The following NRG1 variants were observed in gnomAD, a reference collection of about 807,000 sequenced individuals.
The protein encoded by NRG1 is pro-neuregulin-1, membrane-bound isoform.
A neutral mutation model predicts 63.8 loss-of-function variants in NRG1; 18 were observed. The ratio of observed to expected loss-of-function variants is 0.28; its 90% CI spans 0.19 to 0.42. NRG1 has a LOEUF of 0.42. Ranked by LOEUF, NRG1 falls within the 10% of genes least tolerant of loss-of-function variation. The pLI is 1.00. For missense variants in NRG1, 762 were observed against 814.7 expected (o/e 0.94, Z 0.79); for synonymous variants, 302 against 301.3 (o/e 1.00, Z -0.02).
chr8:32,384,484 TG>T (rs1190536934), intron 1 of NRG1, among the ~76,000 whole-genome samples: 1 of 152,228 alleles, frequency 6.6e-6, no homozygotes, highest in Non-Finnish European at 1.5e-5. Flanking sequence ...TTTGTCATTT[TG>T]GTTTGTTCTA....
At chr8:32,154,540 TTTCC>T (rs1319575834) in intron 1 of NRG1, among the ~76,000 whole-genome samples, 3 of 152,056 alleles carry the variant, frequency 2.0e-5, no homozygotes, top group Non-Finnish European at 2.9e-5. Context: ...CTCTCTTTAT[TTTCC>T]TTCCTTCCTT....
chr8:32,216,179 T>A (rs1845204906), intron 1 of NRG1, among the ~76,000 whole-genome samples: 1 of 149,730 alleles, frequency 6.7e-6, no homozygotes, highest in South Asian at 2.1e-4. Flanking sequence ...TATACAGTTA[T>A]ACATTTTATT....
At chr8:32,477,830 T>G (rs1373533414) in intron 1 of NRG1, among the ~76,000 whole-genome samples, 1 of 152,190 alleles carries the variant, frequency 6.6e-6, no homozygotes, top group South Asian at 2.1e-4. Context: ...ATAGTTTAAC[T>G]CCATATATAA....
chr8:31,871,006 C>CTT (rs113769852), intron 1 of NRG1, among the ~76,000 whole-genome samples: 64 of 143,658 alleles, frequency 4.5e-4, no homozygotes, highest in Non-Finnish European at 7.0e-4. Flanking sequence ...TTTTATTTTC[C>CTT]TTTTTTTTTT....
At chr8:32,681,986 TA>T (rs1808772956) in intron 5 of NRG1, among the ~76,000 whole-genome samples, 1 of 152,302 alleles carries the variant, frequency 6.6e-6, no homozygotes, top group South Asian at 2.1e-4. Context: ...GAGGACCTGC[TA>T]TGTGCAAGGC....
At chr8:32,489,363 G>A (rs988521659) in intron 1 of NRG1, among the ~76,000 whole-genome samples, 1 of 152,182 alleles carries the variant, frequency 6.6e-6, no homozygotes, top group Non-Finnish European at 1.5e-5. Flanking sequence ...TTATCGGGAA[G>A]CTGATAATCA....
chr8:31,714,606 G>A (rs1237644486), intron 1 of NRG1, among the ~76,000 whole-genome samples: 1 of 152,072 alleles, frequency 6.6e-6, no homozygotes, highest in Admixed American at 6.5e-5. Context: ...TTATGACTAA[G>A]CATATTGTAT....
intron 1 of NRG1, among the ~76,000 whole-genome samples, chr8:32,369,483 G>A (rs1283732496): frequency 6.6e-6 from 1 of 152,196 alleles, no homozygotes; most frequent in African/African-American, 2.4e-5. Context: ...GAAGAAGATG[G>A]TTTCCTCTTG....
chr8:32,395,002 A>G (rs1462894769), intron 1 of NRG1, among the ~76,000 whole-genome samples: 1 of 152,140 alleles, frequency 6.6e-6, no homozygotes, highest in African/African-American at 2.4e-5. Flanking sequence ...GGGCTCTACA[A>G]TTACTGTCAC....
chr8:31,727,279 CACAA>C (rs1432454370), intron 1 of NRG1, among the ~76,000 whole-genome samples: 3 of 152,086 alleles, frequency 2.0e-5, no homozygotes, highest in African/African-American at 7.2e-5. Flanking sequence ...AGCTTTACTT[CACAA>C]ACAAAAATGT....
At chr8:31,850,018 A>T (rs1451866215) in intron 1 of NRG1, among the ~76,000 whole-genome samples, 1 of 152,124 alleles carries the variant, frequency 6.6e-6, no homozygotes, top group Non-Finnish European at 1.5e-5. Context: ...TCCCCATATG[A>T]CTTTGTTTTT....
intron 5 of NRG1, among the ~76,000 whole-genome samples, chr8:32,664,624 AATG>A (rs60514534): frequency 0.03 from 4,588 of 151,530 alleles, 132 homozygotes; most frequent in African/African-American, 0.074. Flanking sequence ...ATGGTGTAGA[AATG>A]ATGATGATGA....
chr8:32,412,597 A>G (rs2129485564), intron 1 of NRG1, among the ~76,000 whole-genome samples: 2 of 151,686 alleles, frequency 1.3e-5, no homozygotes, highest in Admixed American at 1.3e-4. Context: ...TGATTTGTGA[A>G]TATCATAGAA....
intron 1 of NRG1, among the ~76,000 whole-genome samples, chr8:32,387,894 T>C (rs945892084): frequency 2.6e-5 from 4 of 152,140 alleles, no homozygotes; most frequent in African/African-American, 7.2e-5. Context: ...GCTGTTAGCA[T>C]TGGTGACATT....
intron 1 of NRG1, among the ~76,000 whole-genome samples, chr8:32,127,875 T>C (rs1834306809): frequency 1.3e-5 from 2 of 151,742 alleles, no homozygotes. Context: ...TAGTGTGCCA[T>C]GGTAACACAT....
At chr8:32,140,880 T>C (rs1245966384) in intron 1 of NRG1, among the ~76,000 whole-genome samples, 2 of 152,162 alleles carry the variant, frequency 1.3e-5, no homozygotes, top group Non-Finnish European at 2.9e-5. Flanking sequence ...CTCTGCACTT[T>C]GTTAGAACTT....
At chr8:32,080,891 G>A (rs537344152) in intron 1 of NRG1, among the ~76,000 whole-genome samples, 1 of 151,750 alleles carries the variant, frequency 6.6e-6, no homozygotes, top group Non-Finnish European at 1.5e-5. Context: ...AAATCTTCAG[G>A]CTGGGTTGGC....
intron 5 of NRG1, among the ~76,000 whole-genome samples, chr8:32,673,855 A>G (rs1371458081): frequency 6.6e-6 from 1 of 152,202 alleles, no homozygotes; most frequent in African/African-American, 2.4e-5. Flanking sequence ...GCTCTTGTCC[A>G]CTGCTGTAGG....
At chr8:32,592,215 T>C (rs1306317170) in intron 1 of NRG1, among the ~76,000 whole-genome samples, 1 of 151,906 alleles carries the variant, frequency 6.6e-6, no homozygotes, top group Admixed American at 6.6e-5. Context: ...CACCCCTAAA[T>C]GCTTAAGCAG....
Sources: allele counts gnomAD v4.1 joint callset (sites outside exome capture counted in the v4.1 genomes callset), GRCh38; gene constraint gnomAD v4.1.1; transcripts MANE v1.5; gene names NCBI Gene and HGNC (gene_info 2026-07-23, HGNC 2026-07-21).